Variants in CTNNA3 observed in about 807,000 individuals in gnomAD.
CTNNA3 encodes catenin alpha-3.
A neutral mutation model predicts 95.7 loss-of-function variants in CTNNA3; 76 were observed. That is an observed-to-expected ratio of 0.79 (90% confidence interval 0.66 to 0.96). The LOEUF is 0.96. Ranked by LOEUF, CTNNA3 falls within the 40% of genes least tolerant of loss-of-function variation. CTNNA3 has a pLI of 0.00. For missense variants in CTNNA3, 1,191 were observed against 1,089.8 expected (o/e 1.09, Z -1.31); for synonymous variants, 431 against 374.4 (o/e 1.15, Z -1.74).
intron 11 of CTNNA3, among the ~76,000 whole-genome samples, chr10:66,434,878 C>G (rs2093326003): frequency 6.6e-6 from 1 of 151,652 alleles, no homozygotes. Context: ...TTATCAAAGG[C>G]CTTTTTTGCA....
chr10:66,069,103 C>T (rs2080374283), intron 15 of CTNNA3, among the ~76,000 whole-genome samples: 1 of 152,086 alleles, frequency 6.6e-6, no homozygotes, highest in Non-Finnish European at 1.5e-5. Context: ...AAACCAATTC[C>T]ACAGAAGTTT....
At chr10:66,653,602 T>C (rs1196923070) in intron 9 of CTNNA3, among the ~76,000 whole-genome samples, 1 of 151,856 alleles carries the variant, frequency 6.6e-6, no homozygotes, top group Non-Finnish European at 1.5e-5. Context: ...AGAAAAAAAA[T>C]CCTAAAATTC....
At chr10:66,108,389 C>A (rs2081988829) in intron 13 of CTNNA3, among the ~76,000 whole-genome samples, 1 of 152,080 alleles carries the variant, frequency 6.6e-6, no homozygotes. Context: ...GCACTTTCCA[C>A]TTAAGACTCT....
At chr10:67,694,940 T>C (rs948833696) in intron 1 of CTNNA3, among the ~76,000 whole-genome samples, 2 of 152,214 alleles carry the variant, frequency 1.3e-5, no homozygotes, top group East Asian at 3.8e-4. Flanking sequence ...ACTTTGTCTA[T>C]ACTGTCTGTA....
chr10:66,061,451 C>T (rs768671909), intron 15 of CTNNA3, among the ~76,000 whole-genome samples: 4 of 152,126 alleles, frequency 2.6e-5, no homozygotes, highest in Admixed American at 6.6e-5. Flanking sequence ...CAACTGTGGC[C>T]GGATCCATAT....
chr10:66,216,655 G>T (rs1296810431), intron 13 of CTNNA3, among the ~76,000 whole-genome samples: 1 of 152,198 alleles, frequency 6.6e-6, no homozygotes, highest in Non-Finnish European at 1.5e-5. Flanking sequence ...GAGTTGGGAT[G>T]TAAACACAGT....
intron 7 of CTNNA3, among the ~76,000 whole-genome samples, chr10:66,931,390 A>G (rs1225301350): frequency 6.6e-6 from 1 of 152,210 alleles, no homozygotes; most frequent in Non-Finnish European, 1.5e-5. Flanking sequence ...TCTTGTAAGC[A>G]ATACTTATGC....
intron 13 of CTNNA3, among the ~76,000 whole-genome samples, chr10:66,168,262 A>G (rs764169795): frequency 5.3e-5 from 8 of 152,320 alleles, no homozygotes; most frequent in East Asian, 1.9e-4. Flanking sequence ...ATCCTGAAAG[A>G]TAATGAGAGC....
intron 13 of CTNNA3, among the ~76,000 whole-genome samples, chr10:66,123,340 C>T (rs181511966): frequency 8.1e-4 from 124 of 152,260 alleles, no homozygotes; most frequent in Middle Eastern, 6.8e-3. Context: ...CTCCATGTCT[C>T]GCATCCGGGT....
chr10:67,756,135 G>T lies in CTNNA3; in HGVS notation c.-2+7299C>A, dbSNP rs1841431831. On this transcript the variant is annotated intron_variant, in intron 1 of 17. Coordinates refer to the CTNNA3 transcript ENST00000684154. ...GTGGATCTTATGAAGATAGAGAGTAGACTGGTGGTTACCAGAGGCCAGGTA... is the reference window on the plus strand; with the variant it reads ...GTGGATCTTATGAAGATAGAGAGTATACTGGTGGTTACCAGAGGCCAGGTA... Among the ~76,000 whole-genome samples, 5 of 152,092 alleles carry T rather than the reference G, an allele frequency of 3.3e-5. No individual in the cohort carries two copies. The South Asian group carries it at 1.0e-3, about 31-fold the overall frequency.
chr10:67,112,479 T>G (rs1326959696), intron 7 of CTNNA3, among the ~76,000 whole-genome samples: 1 of 152,158 alleles, frequency 6.6e-6, no homozygotes, highest in Non-Finnish European at 1.5e-5. Context: ...TCAGCACTTA[T>G]TTAGTCAAGT....
intron 13 of CTNNA3, among the ~76,000 whole-genome samples, chr10:66,266,902 A>G (rs567300748): frequency 3.0e-4 from 46 of 152,202 alleles, no homozygotes; most frequent in African/African-American, 9.6e-4. Flanking sequence ...ACATTTGATC[A>G]GTAAATTTAG....
At chr10:66,753,706 T>C (rs1390496623) in intron 9 of CTNNA3, among the ~76,000 whole-genome samples, 1 of 149,420 alleles carries the variant, frequency 6.7e-6, no homozygotes, top group African/African-American at 2.5e-5. Flanking sequence ...CACACACAAA[T>C]AACAAATTAT....
chr10:66,270,008 T>C (rs1260802172), intron 13 of CTNNA3, among the ~76,000 whole-genome samples: 1 of 152,170 alleles, frequency 6.6e-6, no homozygotes, highest in East Asian at 1.9e-4. Context: ...CTTAAAACCA[T>C]CTTAAATAAG....
chr10:67,398,811 A>G (rs1844810673), intron 5 of CTNNA3, among the ~76,000 whole-genome samples: 1 of 152,122 alleles, frequency 6.6e-6, no homozygotes, highest in Non-Finnish European at 1.5e-5. Flanking sequence ...TGATGGTTTT[A>G]TAAGGGGCTT....
At chr10:67,354,027 T>C (rs1842726235) in intron 5 of CTNNA3, among the ~76,000 whole-genome samples, 2 of 152,072 alleles carry the variant, frequency 1.3e-5, no homozygotes, top group Admixed American at 1.3e-4. Flanking sequence ...GTCCCAATTC[T>C]GACTCTCCTC....
chr10:66,607,009 TTAA>T (rs1844146987), intron 10 of CTNNA3, among the ~76,000 whole-genome samples: 1 of 151,588 alleles, frequency 6.6e-6, no homozygotes, highest in Non-Finnish European at 1.5e-5. Context: ...TTTGAAAAAA[TTAA>T]TAAGTTAGAT....
chr10:66,976,089 AG>A (rs138025235), intron 7 of CTNNA3, among the ~76,000 whole-genome samples: 5,834 of 152,280 alleles, frequency 0.038, 138 homozygotes, highest in Middle Eastern at 0.085. Flanking sequence ...ACTTACTGTT[AG>A]GTGCTAGTAG....
intron 1 of CTNNA3, among the ~76,000 whole-genome samples, chr10:67,744,325 C>T (rs10997792): frequency 1.3e-5 from 2 of 150,798 alleles, no homozygotes; most frequent in Non-Finnish European, 1.5e-5. Flanking sequence ...ATGGAACAGA[C>T]CAGAGCCCTC....
Sources: allele counts gnomAD v4.1 joint callset (sites outside exome capture counted in the v4.1 genomes callset), GRCh38; gene constraint gnomAD v4.1.1; transcripts MANE v1.5; gene names NCBI Gene and HGNC (gene_info 2026-07-23, HGNC 2026-07-21).